Variants in SNED1 observed in about 807,000 individuals in gnomAD.
SNED1 encodes the protein sushi, nidogen and EGF-like domain-containing protein 1.
Under a neutral mutation model 166.7 loss-of-function variants are expected in SNED1, and 81 were observed. The ratio of observed to expected loss-of-function variants is 0.49; its 90% CI spans 0.41 to 0.58. The LOEUF (loss-of-function observed/expected upper bound fraction) is 0.58, where lower values mean the gene tolerates loss of function less well. Ranked by LOEUF, SNED1 falls within the 20% of genes least tolerant of loss-of-function variation. The probability of loss-of-function intolerance (pLI) is 0.00; values close to 1 mark genes in which losing one functional copy is unlikely to be tolerated. For synonymous variants in SNED1, 762 were observed against 822.0 expected (o/e 0.93, Z 1.25); for missense variants, 1,604 against 2,000.2 (o/e 0.80, Z 3.78).
rs373069031 is a variant in SNED1, at chr2:241,052,380, G to C, written c.1995G>C (p.Pro665=). 1.3e-6 allele frequency: 2 copies of C among 1,586,050 alleles called. No homozygotes were observed. Among genetic ancestry groups the C allele is most frequent in the Admixed American group, 1.7e-5 (1 of 57,978 alleles). ...CCCCCTCCCCCTGCTTCCGGAGCCC[G>C]TGTGTGAATGGGGGCACCTGCGAGG... ...EIAPSPCFRS[P]CVNGGTCEDR... is the part of the protein sequence containing the mutation. Residue 665 remains proline, a synonymous_variant, in exon 15 of 32, where the codon CCG becomes CCC. Transcript: ENST00000310397.
In SNED1 at chr2:241,061,254, C is replaced by A. The variant is rs377566685; in HGVS notation, c.2258-1537C>A. Among the ~76,000 whole-genome samples the A allele has an allele frequency of 8.6e-5, 13 of 151,832 alleles. No individual in the cohort carries two copies. The East Asian group carries it at 2.1e-3, about 25-fold the overall frequency. On this transcript the variant is annotated intron_variant, in intron 16 of 31. Transcript: ENST00000310397. ...TGGAAGAAGAGATACAAAAGGCCAA[C>A]AAACATAAAAAGAAATATTCTATTT...
Position 241,065,345 on chromosome 2 carries a change from T to A in SNED1, c.2760T>A (p.Ser920Arg). Reference protein sequence around the residue: ...TALKMERVEESGVSISWNPPN... With the variant: ...TALKMERVEERGVSISWNPPN... ...TCAAGATGGAGAGAGTGGAGGAGAG[T>A]GGGGTCTCTATCTCCTGGAACCCGC... The change falls in exon 21 of 32, where the codon AGT (serine) becomes AGA (arginine). Residue 920 changes from serine to arginine, a missense_variant. Around this residue, in one of 2 missense-constraint regions of SNED1, gnomAD observed 1,237 missense variants for 1,620.8 expected, o/e 0.76. Coordinates refer to ENST00000310397, the MANE Select transcript of SNED1 (RefSeq NM_001080437.3). 2 of 1,611,402 alleles carry A rather than the reference T, an allele frequency of 1.2e-6. No homozygotes were observed. Among genetic ancestry groups the A allele is most frequent in the Non-Finnish European group, 1.7e-6 (2 of 1,179,480 alleles).
intron 14 of SNED1, 77 bp downstream of exon 14, chr2:241,052,234 A>C: frequency 1.3e-6 from 2 of 1,481,748 alleles, no homozygotes; most frequent in East Asian, 2.3e-5. Flanking sequence ...GCCCATGGGC[A>C]GGGCTGGTCC....
Position 241,051,327 on chromosome 2 carries a change from C to T in SNED1, c.1736-417C>T, listed in dbSNP as rs368583447. ...TGGCAATGCCAATGCAGGTACAGAACACACAGAAATCCAGATTGACTGCTG... is the reference window on the plus strand; with the variant it reads ...TGGCAATGCCAATGCAGGTACAGAATACACAGAAATCCAGATTGACTGCTG... On this transcript the variant is annotated intron_variant, in intron 12 of 31. Coordinates refer to ENST00000310397, the MANE Select transcript of SNED1 (RefSeq NM_001080437.3). The surrounding 1 kb of genome is among the most constrained non-coding windows in gnomAD (Gnocchi z 4.7). 1 of 172,320 alleles carries T rather than the reference C, an allele frequency of 5.8e-6. No homozygotes were observed. Among genetic ancestry groups the T allele is most frequent in the African/African-American group, 2.4e-5 (1 of 42,328 alleles). The allele number at this position is 172,320 out of a possible 1,614,324, so 10.7% of individuals were successfully genotyped here.
intron 1 of SNED1, among the ~76,000 whole-genome samples, chr2:241,025,322 T>C (rs904535941): frequency 6.6e-6 from 1 of 151,854 alleles, no homozygotes; most frequent in African/African-American, 2.4e-5. Flanking sequence ...CATGGAAAAA[T>C]TGTCTTCTAT....
Position 241,065,316 on chromosome 2 carries a change from G to A in SNED1, c.2731G>A (p.Ala911Thr), listed in dbSNP as rs1309321398. 6.2e-7 allele frequency: 1 copy of A among 1,612,860 alleles called. No homozygotes were observed. The highest frequency in any genetic ancestry group is 2.2e-5 in the East Asian group (1 of 44,864). The change falls in exon 21 of 32, where the codon GCC becomes ACC. Residue 911 changes from alanine to threonine, a missense_variant. Physicochemically the swap from Ala to Thr is moderately conservative, Grantham distance 58. This residue lies in a region of SNED1 where 1,237 missense variants were observed against 1,620.8 expected (regional missense o/e 0.76). Coordinates refer to ENST00000310397, the MANE Select transcript of SNED1 (RefSeq NM_001080437.3). ...CCCTGAAGAGCTCTTCCCACCGACG[G>A]CCCTCAAGATGGAGAGAGTGGAGGA... ...DCAKELFPPT[A>T]LKMERVEESG...
intron 4 of SNED1, chr2:241,035,619 G>A (rs750582653): frequency 6.6e-6 from 1 of 152,172 alleles, no homozygotes; most frequent in Non-Finnish European, 1.5e-5. Flanking sequence ...TCTAGGCTAC[G>A]AGAGGGGAGA....
At chr2:241,005,519 A>G (rs1259504423) in intron 1 of SNED1, among the ~76,000 whole-genome samples, 4 of 151,984 alleles carry the variant, frequency 2.6e-5, no homozygotes, top group Non-Finnish European at 5.9e-5. Context: ...TTCCATTTTT[A>G]TATCATTTTC....
chr2:241,031,121 G>C (rs539907653), intron 2 of SNED1, among the ~76,000 whole-genome samples: 2 of 152,244 alleles, frequency 1.3e-5, no homozygotes, highest in South Asian at 4.1e-4. Context: ...GAGGCGCTGG[G>C]TGCAGAACCG....
intron 1 of SNED1, among the ~76,000 whole-genome samples, chr2:241,008,087 G>A (rs2106552321): frequency 6.6e-6 from 1 of 152,368 alleles, no homozygotes; most frequent in South Asian, 2.1e-4. Flanking sequence ...ACAGCCCGGA[G>A]GTGGCAGCTC....
At chr2:241,032,938 A>G (rs1315506495) in intron 2 of SNED1, among the ~76,000 whole-genome samples, 2 of 152,136 alleles carry the variant, frequency 1.3e-5, no homozygotes, top group Admixed American at 6.5e-5. Flanking sequence ...GGTTTTTCAC[A>G]TTGCTGTTTG....
intron 1 of SNED1, among the ~76,000 whole-genome samples, chr2:241,003,056 C>T (rs1182332868): frequency 6.6e-6 from 1 of 152,090 alleles, no homozygotes; most frequent in Admixed American, 6.6e-5. Context: ...CCATACAAAA[C>T]ACCAGTGGGA....
At chr2:241,001,052 C>T (rs1013263116) in intron 1 of SNED1, among the ~76,000 whole-genome samples, 29 of 152,230 alleles carry the variant, frequency 1.9e-4, no homozygotes, top group African/African-American at 6.0e-4. Context: ...CCAGGCCGAG[C>T]GGACCCTCTT....
chr2:240,998,663 G>T lies in SNED1; in HGVS notation c.-175G>T, dbSNP rs2059986391. Among the ~76,000 whole-genome samples the T allele has an allele frequency of 1.3e-5, 2 of 150,584 alleles. No homozygotes were observed. The highest frequency in any genetic ancestry group is 3.9e-4 in the East Asian group (2 of 5,132). ...CCGGCGCTTTCCTCTGCGGAGCTGC[G>T]GCGAGAGCGCGGCCCGGCCGAACGG... On this transcript the variant is annotated 5_prime_UTR_variant, in exon 1 of 32. Coordinates refer to ENST00000310397, the MANE Select transcript of SNED1 (RefSeq NM_001080437.3).
At position 241,053,161 on chromosome 2, in the gene SNED1, T is replaced by C; in HGVS notation, c.2092T>C (p.Cys698Arg). 1 of 1,609,996 alleles carries C rather than the reference T, an allele frequency of 6.2e-7. No homozygotes were observed. Among genetic ancestry groups the C allele is most frequent in the Non-Finnish European group, 8.5e-7 (1 of 1,179,084 alleles). ...MGRRCQAEVD[C>R]GPPEEVKHAT... is the part of the protein sequence containing the mutation. ...GCTGCCGTGCCTTGCAGAGGTGGAC[T>C]GCGGCCCCCCGGAGGAGGTGAAGCA... The change falls in exon 16 of 32, where the codon TGC becomes CGC. Residue 698 changes from cysteine (C) to arginine (R), a missense_variant. Coordinates refer to ENST00000310397, the MANE Select transcript of SNED1 (RefSeq NM_001080437.3).
Position 241,089,909 on chromosome 2 carries a change from C to A in SNED1, c.*1+1507C>A, listed in dbSNP as rs2063803880. 6.6e-6 allele frequency: 10 copies of A among 1,526,646 alleles called. No individual in the cohort carries two copies. In the East Asian group the frequency reaches 1.7e-4, roughly 26 times the overall value. The allele number at this position is 1,526,646 out of a possible 1,614,324, so 94.6% of individuals were successfully genotyped here. ...TACTGTAGGCGGTCGTAACACAGTG[C>A]CAAGTGTGTGTGTATCTAAACGTAG... On this transcript the variant is annotated intron_variant, in intron 31 of 31. Coordinates refer to ENST00000310397, the MANE Select transcript of SNED1 (RefSeq NM_001080437.3).
chr2:241,024,464 G>A (rs10179770), intron 1 of SNED1, among the ~76,000 whole-genome samples: 2,130 of 150,652 alleles, frequency 0.014, 47 homozygotes, highest in African/African-American at 0.049. Flanking sequence ...GGCCAGGCTG[G>A]TCTTGAACTC....
chr2:241,048,345 C>T lies in SNED1; in HGVS notation c.1304C>T (p.Ser435Leu), dbSNP rs779633133. Reference sequence around the variant, plus strand: ...CATCCAGTGCCAGACGCCTGCCTCTCGGCCCCTTGCCACAATGGGGGCACC... The same window carrying T: ...CATCCAGTGCCAGACGCCTGCCTCTTGGCCCCTTGCCACAATGGGGGCACC... Reference protein sequence around the residue: ...GDHPVPDACLSAPCHNGGTCV... With the variant: ...GDHPVPDACLLAPCHNGGTCV... The change falls in exon 9 of 32, where the codon TCG becomes TTG. Residue 435 changes from serine (S) to leucine (L), a missense_variant. Ser to Leu is a moderately radical substitution (Grantham distance 145). Coordinates refer to ENST00000310397, the MANE Select transcript of SNED1 (RefSeq NM_001080437.3). 4 of 1,610,338 alleles carry T rather than the reference C, an allele frequency of 2.5e-6. No homozygotes were observed. The highest frequency in any genetic ancestry group is 3.4e-6 in the Non-Finnish European group (4 of 1,178,588).
chr2:241,094,058 C>T lies in SNED1; in HGVS notation c.*2422C>T. 3.0e-6 allele frequency: 1 copy of T among 328,348 alleles called. No individual in the cohort carries two copies. Among genetic ancestry groups the T allele is most frequent in the East Asian group, 8.4e-5 (1 of 11,924 alleles). The allele number at this position is 328,348 out of a possible 1,614,324, so 20.3% of individuals were successfully genotyped here. ...AGGTTCTAGGGAGGGTGGCAGTGACCGGGATGCCACAATGGAAGAGAAAAT... is the reference window on the plus strand; with the variant it reads ...AGGTTCTAGGGAGGGTGGCAGTGACTGGGATGCCACAATGGAAGAGAAAAT... On this transcript the variant is annotated 3_prime_UTR_variant, in exon 32 of 32. Coordinates refer to ENST00000310397, the MANE Select transcript of SNED1 (RefSeq NM_001080437.3). This position sits in a 1 kb window ranked among gnomAD's most constrained non-coding sequence, Gnocchi z 4.3.
Sources: gnomAD v4.1 joint callset for allele counts (sites outside exome capture counted in the v4.1 genomes callset) on GRCh38, gnomAD v4.1.1 for gene constraint, gnomAD v4.1.1 regional missense constraint, Gnocchi (gnomAD v3.1) non-coding constraint, MANE v1.5 for transcripts, NCBI Gene and HGNC (gene_info 2026-07-23, HGNC 2026-07-21) for gene names.